Variants in SUGCT observed in about 807,000 individuals in gnomAD.
The protein encoded by SUGCT is succinyl-CoA:glutarate-CoA transferase.
Under a neutral mutation model 55.0 loss-of-function variants are expected in SUGCT, and 41 were observed. That is an observed-to-expected ratio of 0.74 (90% CI 0.58 to 0.97). The LOEUF is 0.97. SUGCT is among the 50% of genes least tolerant of loss of function. The pLI is 0.00. For synonymous variants in SUGCT, 187 were observed against 200.4 expected, an observed-to-expected ratio of 0.93 and a Z score of 0.56; for missense variants, 568 against 547.8, an observed-to-expected ratio of 1.04 and a Z score of -0.37.
chr7:40,630,170 C>T (rs961914978), intron 12 of SUGCT, among the ~76,000 whole-genome samples: 2 of 152,360 alleles, frequency 1.3e-5, no homozygotes, highest in African/African-American at 4.8e-5. Flanking sequence ...ACAGGGAAAC[C>T]TGTCTCCTGT....
At chr7:40,791,887 C>A (rs961012420) in intron 13 of SUGCT, among the ~76,000 whole-genome samples, 2 of 152,260 alleles carry the variant, frequency 1.3e-5, no homozygotes, top group African/African-American at 4.8e-5. Flanking sequence ...AGGAATACTA[C>A]AAATACAGTA....
intron 10 of SUGCT, among the ~76,000 whole-genome samples, chr7:40,458,676 A>G (rs1022962851): frequency 2.6e-5 from 4 of 152,204 alleles, no homozygotes; most frequent in Non-Finnish European, 5.9e-5. Context: ...GTACATGTTG[A>G]CTGTATACAA....
At chr7:40,696,268 G>A (rs1784932110) in intron 12 of SUGCT, among the ~76,000 whole-genome samples, 1 of 152,184 alleles carries the variant, frequency 6.6e-6, no homozygotes, top group Non-Finnish European at 1.5e-5. Flanking sequence ...TTCTGAGCCA[G>A]GAGATGCCTT....
intron 12 of SUGCT, among the ~76,000 whole-genome samples, chr7:40,557,099 C>G (rs1005547507): frequency 5.3e-5 from 8 of 152,124 alleles, no homozygotes; most frequent in Non-Finnish European, 7.3e-5. Context: ...TACTTCAAAG[C>G]TATAGGAATC....
At chr7:40,525,141 T>G (rs2151582662) in intron 12 of SUGCT, among the ~76,000 whole-genome samples, 1 of 152,338 alleles carries the variant, frequency 6.6e-6, no homozygotes. Flanking sequence ...AATTAAATCC[T>G]GGAGAGTAAG....
chr7:40,802,191 A>T (rs1790856928), intron 13 of SUGCT, among the ~76,000 whole-genome samples: 2 of 152,124 alleles, frequency 1.3e-5, no homozygotes, highest in Admixed American at 1.3e-4. Flanking sequence ...GTCATTACAA[A>T]CTAGACCAGA....
chr7:40,250,283 C>T (rs1254779399), intron 7 of SUGCT, among the ~76,000 whole-genome samples: 1 of 151,970 alleles, frequency 6.6e-6, no homozygotes, highest in Non-Finnish European at 1.5e-5. Flanking sequence ...GCCTGTAGTC[C>T]CAGCTACTCT....
Position 40,810,893 on chromosome 7 carries a change from G to C in SUGCT, c.1154-49423G>C, listed in dbSNP as rs367711763. On this transcript the variant is annotated intron_variant, in intron 13 of 13. Transcript: ENST00000335693. ...TTCTTGTAGGATTGTTATAGTATGA[G>C]GTCTTACATTTAAATCTTTAATCCA... is the stretch of plus-strand genomic sequence containing the variant. Among the ~76,000 whole-genome samples, 5 of 152,078 alleles carry C rather than the reference G, an allele frequency of 3.3e-5. No homozygotes were observed. The East Asian group carries it at 9.6e-4, about 29-fold the overall frequency.
Position 40,860,682 on chromosome 7 carries a change from C to T in SUGCT, c.*203C>T, listed in dbSNP as rs1312956673. 9.7e-6 allele frequency: 4 copies of T among 414,010 alleles called. No individual in the cohort carries two copies. The highest frequency in any genetic ancestry group is 1.7e-5 in the Non-Finnish European group (4 of 241,540). 25.6% of individuals were successfully genotyped at this position (414,010 alleles called of 1,614,324 possible). A position where few individuals can be genotyped will look rare whatever the true frequency, so the allele number is the denominator to read the frequency against. On this transcript the variant is annotated 3_prime_UTR_variant, in exon 14 of 14. Coordinates refer to ENST00000335693, the MANE Select transcript of SUGCT (RefSeq NM_001193313.2). ...AATGTATCCCACGTTTTGTTCCCTACCATCTTTTTTTTCAGATGATGATTT... is the reference window on the plus strand; with the variant it reads ...AATGTATCCCACGTTTTGTTCCCTATCATCTTTTTTTTCAGATGATGATTT...
intron 13 of SUGCT, among the ~76,000 whole-genome samples, chr7:40,823,401 TA>T (rs1792131024): frequency 6.6e-6 from 1 of 152,118 alleles, no homozygotes; most frequent in African/African-American, 2.4e-5. Flanking sequence ...TTTTTTCATT[TA>T]AAAATAGATC....
chr7:40,866,980 G>A, the SUGCT span, among the ~76,000 whole-genome samples: 15 of 151,472 alleles, frequency 9.9e-5, no homozygotes, highest in Admixed American at 2.6e-4. Context: ...TTATTAGCTC[G>A]GCAAAAAAAG....
At chr7:40,864,880 G>T (rs1025875556), downstream of SUGCT, among the ~76,000 whole-genome samples, 4 of 152,114 alleles carry the variant, frequency 2.6e-5, no homozygotes, top group Non-Finnish European at 5.9e-5. Context: ...CCAGATATCA[G>T]AATTTACTCA....
the SUGCT span, among the ~76,000 whole-genome samples, chr7:40,963,142 A>G: frequency 6.6e-6 from 1 of 152,096 alleles, no homozygotes; most frequent in Non-Finnish European, 1.5e-5. Flanking sequence ...TATTATTTGA[A>G]TTATTCCCAC....
chr7:40,560,496 T>C (rs1795780560), intron 12 of SUGCT, among the ~76,000 whole-genome samples: 1 of 152,196 alleles, frequency 6.6e-6, no homozygotes, highest in African/African-American at 2.4e-5. Flanking sequence ...GTTAACACTG[T>C]CAGAGCATAC....
intron 9 of SUGCT, among the ~76,000 whole-genome samples, chr7:40,428,730 A>G (rs1342405363): frequency 6.6e-6 from 1 of 152,214 alleles, no homozygotes; most frequent in Non-Finnish European, 1.5e-5. Context: ...TTTTATGCTT[A>G]CAACTTTTAA....
chr7:40,842,306 CAAAT>C (rs1793317088), intron 13 of SUGCT, among the ~76,000 whole-genome samples: 1 of 151,786 alleles, frequency 6.6e-6, no homozygotes, highest in Admixed American at 6.6e-5. Flanking sequence ...AGTAGGAAAA[CAAAT>C]AATCATTTAA....
chr7:40,264,043 G>A (rs1407850820), intron 7 of SUGCT, among the ~76,000 whole-genome samples: 5 of 152,114 alleles, frequency 3.3e-5, no homozygotes, highest in African/African-American at 7.2e-5. Context: ...CTCTTGCTGG[G>A]ATTGTTCACC....
the SUGCT span, among the ~76,000 whole-genome samples, chr7:40,993,817 C>G: frequency 6.6e-6 from 1 of 152,200 alleles, no homozygotes; most frequent in Non-Finnish European, 1.5e-5. Context: ...TGAGACTCAA[C>G]TTTTTAACCT....
At position 40,508,156 on chromosome 7, in the gene SUGCT, A is replaced by G. The variant is rs528067461; in HGVS notation, c.1089+11770A>G. ...GGGTAAGTTCCACTTTTCCTGAGTA[A>G]CATTCCTGCTCTAAGAGTGAGAACT... On this transcript the variant is annotated intron_variant, in intron 12 of 13. Coordinates refer to ENST00000335693, the MANE Select transcript of SUGCT (RefSeq NM_001193313.2). Among the ~76,000 whole-genome samples, 4 of 152,260 alleles carry G rather than the reference A, an allele frequency of 2.6e-5. No individual in the cohort carries two copies. In the South Asian group the frequency reaches 8.3e-4, roughly 32 times the overall value.
Sources: gnomAD v4.1 joint callset for allele counts (sites outside exome capture counted in the v4.1 genomes callset) on GRCh38, gnomAD v4.1.1 for gene constraint, MANE v1.5 for transcripts, NCBI Gene and HGNC (gene_info 2026-07-23, HGNC 2026-07-21) for gene names.